Variants in CCDC90B observed in about 807,000 individuals in gnomAD.
The protein encoded by CCDC90B is coiled-coil domain containing 90B.
Under a neutral mutation model 37.0 loss-of-function variants are expected in CCDC90B, and 24 were observed. That is an observed-to-expected ratio of 0.65 (90% CI 0.47 to 0.91). The LOEUF is 0.91. Ranked by LOEUF, CCDC90B falls within the 40% of genes least tolerant of loss-of-function variation. The pLI is 0.00. For missense variants in CCDC90B, 319 were observed against 299.0 expected, an observed-to-expected ratio of 1.07 and a Z score of -0.49; for synonymous variants, 113 against 101.1, an observed-to-expected ratio of 1.12 and a Z score of -0.71.
chr11:83,274,383 T>C (rs1208509429), intron 4 of CCDC90B: 6 of 276,108 alleles, frequency 2.2e-5, no homozygotes, highest in Non-Finnish European at 3.3e-5. Context: ...ATTTTATATA[T>C]ATAGCTCAAA....
At position 83,286,293 on chromosome 11, in the gene CCDC90B, T is replaced by G. The variant is rs1865691027; in HGVS notation, c.-321A>C. 1.8e-6 allele frequency: 2 copies of G among 1,117,952 alleles called. No individual in the cohort carries two copies. The highest frequency in any genetic ancestry group is 5.2e-5 in the East Asian group (2 of 38,528). The allele number at this position is 1,117,952 out of a possible 1,614,324, so 69.3% of individuals were successfully genotyped here. On this transcript the variant is annotated 5_prime_UTR_variant, in exon 1 of 9. The change abolishes an upstream ATG in the 5' untranslated region. Transcript: ENST00000529689. ...GCGCCTGTTTCCTGGCAGTGGGGCA[T>G]AGTCCAACAGCTGGCTCCCCCAAGA...
chr11:83,262,817 C>T (rs1864004882), intron 8 of CCDC90B, among the ~76,000 whole-genome samples: 1 of 152,134 alleles, frequency 6.6e-6, no homozygotes, highest in Admixed American at 6.5e-5. Flanking sequence ...TGGGATTAGG[C>T]ATCTCTAAGA....
chr11:83,270,200 A>C (rs1826377170), intron 7 of CCDC90B, among the ~76,000 whole-genome samples: 1 of 152,234 alleles, frequency 6.6e-6, no homozygotes, highest in Non-Finnish European at 1.5e-5. Context: ...CCAATATCAT[A>C]CTGAATGGGC....
chr11:83,286,054 C>T lies in CCDC90B; in HGVS notation c.-82G>A. On this transcript the variant is annotated 5_prime_UTR_variant, in exon 1 of 9. It introduces an in-frame stop codon into an upstream open reading frame of the 5' UTR. Coordinates refer to ENST00000529689, the MANE Select transcript of CCDC90B (RefSeq NM_021825.5). ...CTTTCGGGCAAGGTAGTTCTGGCAC[C>T]ACAGGAATGCTGGGAATTGTAGTTT... The T allele has an allele frequency of 6.5e-7, 1 of 1,545,552 alleles. No homozygotes were observed. Among genetic ancestry groups the T allele is most frequent in the Non-Finnish European group, 8.7e-7 (1 of 1,147,968 alleles).
chr11:83,269,019 G>A (rs1335719805), intron 7 of CCDC90B, among the ~76,000 whole-genome samples: 1 of 152,154 alleles, frequency 6.6e-6, no homozygotes, highest in African/African-American at 2.4e-5. Context: ...TGACTACTGG[G>A]TACATAACGA....
Position 83,274,651 on chromosome 11 carries a change from T to C in CCDC90B, c.414A>G (p.Arg138=). 6.2e-7 allele frequency: 1 copy of C among 1,601,236 alleles called. No individual in the cohort carries two copies. Among genetic ancestry groups the C allele is most frequent in the Non-Finnish European group, 8.5e-7 (1 of 1,171,956 alleles). Residue 138 remains arginine (R), a synonymous_variant, in exon 4 of 9, where the codon AGA becomes AGG. Coordinates refer to ENST00000529689, the MANE Select transcript of CCDC90B (RefSeq NM_021825.5). ...AAATTTGTATCACCTCATTCTCTGCTCTCAGATTTGCAAATTCACTTTTCT... is the reference window on the plus strand; with the variant it reads ...AAATTTGTATCACCTCATTCTCTGCCCTCAGATTTGCAAATTCACTTTTCT... ...ILEKSEFANL[R]AENEKMKIEL...
rs765188657 is a variant in CCDC90B at position 83,286,104 on chromosome 11, C to T, written c.-132G>A. On this transcript the variant is annotated 5_prime_UTR_variant, in exon 1 of 9. Transcript: ENST00000529689. ...TTCGCTCTGTCACAAGCTCACCTCC[C>T]AGCGCAGGCGCCACCGTGGTCCCAC... 6.2e-5 allele frequency: 95 copies of T among 1,536,588 alleles called. No homozygotes were observed. Among genetic ancestry groups the T allele is most frequent in the Non-Finnish European group, 7.6e-5 (87 of 1,146,910 alleles).
intron 1 of CCDC90B, chr11:83,285,201 C>T: frequency 7.8e-7 from 1 of 1,285,784 alleles, no homozygotes; most frequent in South Asian, 1.2e-5. Flanking sequence ...AACCTTAAAA[C>T]GGTTTAAAAA....
rs771669979 is a variant in CCDC90B, at chr11:83,273,784, G to T, written c.540+9C>A. 4 of 1,605,130 alleles carry T rather than the reference G, an allele frequency of 2.5e-6. No homozygotes were observed. The Admixed American group carries it at 6.8e-5, about 27-fold the overall frequency. On this transcript the variant is annotated intron_variant, in intron 6 of 8. Coordinates refer to ENST00000529689, the MANE Select transcript of CCDC90B (RefSeq NM_021825.5). ...AGTAACCAAGAAAGTACATTTAAAA[G>T]AACATTACCATATCTGTTACTCTGC...
chr11:83,273,906 G>A (rs563753212), intron 5 of CCDC90B, 42 bp from the exon 6 acceptor site: 11 of 1,593,184 alleles, frequency 6.9e-6, no homozygotes, highest in South Asian at 3.5e-5. Flanking sequence ...ATCTTGTAAC[G>A]AATATTTGTT....
rs771263245 is a variant in CCDC90B, at chr11:83,273,933, GAAAA to G, written c.468+14_468+17del. ...ATATTTGTTCTGAAATTAACAGCTA[GAAAA>G]AAAATTCACTTACCATTAGTTGTTG... is the stretch of plus-strand genomic sequence containing the variant. On this transcript the variant is annotated intron_variant, in intron 5 of 8. Coordinates refer to ENST00000529689, the MANE Select transcript of CCDC90B (RefSeq NM_021825.5). 2.3e-5 allele frequency: 37 copies of G among 1,579,316 alleles called. No homozygotes were observed. The highest frequency in any genetic ancestry group is 3.1e-5 in the Non-Finnish European group (36 of 1,163,998).
Position 83,285,870 on chromosome 11 carries a change from C to T in CCDC90B, c.100+3G>A. The T allele has an allele frequency of 1.9e-6, 3 of 1,610,942 alleles. No individual in the cohort carries two copies. The highest frequency in any genetic ancestry group is 2.5e-6 in the Non-Finnish European group (3 of 1,179,296). On this transcript the variant is annotated splice_donor_region_variant and intron_variant, in intron 1 of 8. Coordinates refer to ENST00000529689, the MANE Select transcript of CCDC90B (RefSeq NM_021825.5). ...GCATCTATGACACGACGCCTTGCCT[C>T]ACCTCTCCGCAGGGCCGGCGAGAAA... is the stretch of plus-strand genomic sequence containing the variant.
At position 83,285,951 on chromosome 11, in the gene CCDC90B, G is replaced by A. The variant is rs779875146; in HGVS notation, c.22C>T (p.Arg8Trp). Residue 8 changes from arginine (R) to tryptophan (W), a missense_variant, in exon 1 of 9, where the codon CGG becomes TGG. Arg to Trp is a moderately radical substitution (Grantham distance 101, BLOSUM62 -3). Coordinates refer to ENST00000529689, the MANE Select transcript of CCDC90B (RefSeq NM_021825.5). ...CCTCTGCCTTGGGAGAGAAAGAGCCGCCAAGCCTGGCGACTATTCATGTCC... is the reference window on the plus strand; with the variant it reads ...CCTCTGCCTTGGGAGAGAAAGAGCCACCAAGCCTGGCGACTATTCATGTCC... MNSRQAW[R>W]LFLSQGRGDR... 2.2e-5 allele frequency: 35 copies of A among 1,611,888 alleles called. No homozygotes were observed. The East Asian group carries it at 2.5e-4, about 11-fold the overall frequency.
Position 83,286,308 on chromosome 11 carries a change from C to CT in CCDC90B, c.-337dup, listed in dbSNP as rs1348012129. 1.0e-6 allele frequency: 1 copy of CT among 978,440 alleles called. No homozygotes were observed. Among genetic ancestry groups the CT allele is most frequent in the African/African-American group, 1.6e-5 (1 of 61,260 alleles). The allele number at this position is 978,440 out of a possible 1,614,324, so 60.6% of individuals were successfully genotyped here. A position where few individuals can be genotyped will look rare whatever the true frequency, so the allele number is the denominator to read the frequency against. On this transcript the variant is annotated 5_prime_UTR_variant, in exon 1 of 9. It introduces an in-frame stop codon into an upstream open reading frame of the 5' UTR. Coordinates refer to ENST00000529689, the MANE Select transcript of CCDC90B (RefSeq NM_021825.5). ...CAGTGGGGCATAGTCCAACAGCTGG[C>CT]TCCCCCAAGATAGCCAGCGGCCATT...
intron 7 of CCDC90B, chr11:83,267,613 T>C (rs960851487): frequency 2.0e-5 from 3 of 152,204 alleles, no homozygotes; most frequent in African/African-American, 7.2e-5. Flanking sequence ...TATGGGACTA[T>C]GTGAAAAGAT....
chr11:83,264,942 G>A (rs750694156), intron 8 of CCDC90B, among the ~76,000 whole-genome samples: 12 of 126,700 alleles, frequency 9.5e-5, no homozygotes, highest in East Asian at 2.5e-4. Flanking sequence ...GGAACATCAC[G>A]CTCTGGGGAC....
chr11:83,286,193 C>T lies in CCDC90B; in HGVS notation c.-221G>A. 6.5e-7 allele frequency: 1 copy of T among 1,533,420 alleles called. No individual in the cohort carries two copies. Among genetic ancestry groups the T allele is most frequent in the Non-Finnish European group, 8.7e-7 (1 of 1,144,844 alleles). 95.0% of individuals were successfully genotyped at this position (1,533,420 alleles called of 1,614,324 possible). The stretch of plus-strand genomic sequence containing the variant: ...AGCATGGCTCAGCGCTGCCCCGCTT[C>T]TCCCAGCGCCCCTTCCCGACCTTTG... On this transcript the variant is annotated 5_prime_UTR_variant, in exon 1 of 9. Coordinates refer to ENST00000529689, the MANE Select transcript of CCDC90B (RefSeq NM_021825.5).
intron 1 of CCDC90B, 90 bp from the exon 2 acceptor site, chr11:83,280,350 A>G (rs927064973): frequency 1.0e-5 from 12 of 1,164,462 alleles, no homozygotes; most frequent in Non-Finnish European, 1.4e-5. Flanking sequence ...ATCCATTTAT[A>G]ATATAGTTCC....
At chr11:83,273,525 G>A (rs1222989343) in intron 7 of CCDC90B, 122 bp downstream of exon 7, 12 of 661,344 alleles carry the variant, frequency 1.8e-5, no homozygotes, top group Non-Finnish European at 2.6e-5. Context: ...ATAGCTATGA[G>A]GAAGCCAGAG....
Sources: gnomAD v4.1 joint callset for allele counts (sites outside exome capture counted in the v4.1 genomes callset) on GRCh38, gnomAD v4.1.1 for gene constraint, MANE v1.5 for transcripts, NCBI Gene and HGNC (gene_info 2026-07-23, HGNC 2026-07-21) for gene names.